Variants in DMGDH observed in about 807,000 individuals in gnomAD.
DMGDH encodes the protein dimethylglycine dehydrogenase.
A neutral mutation model predicts 95.2 loss-of-function variants in DMGDH; 76 were observed. The ratio of observed to expected loss-of-function variants is 0.80; its 90% CI spans 0.66 to 0.97. The LOEUF is 0.97. DMGDH is among the 50% of genes least tolerant of loss of function. The pLI, the probability that DMGDH is intolerant of heterozygous loss-of-function variation, is 0.00. For synonymous variants in DMGDH, 345 were observed against 377.6 expected, an observed-to-expected ratio of 0.91 and a Z score of 1.00; for missense variants, 987 against 1,055.0, an observed-to-expected ratio of 0.94 and a Z score of 0.89.
In DMGDH at chr5:79,044,284, C is replaced by A. The variant is rs768635440; in HGVS notation, c.994+20G>T. ...ACCATTCATGTCTGACTAGCACACA[C>A]TTTCATTTGCTGAACCCACCTGGAG... On this transcript the variant is annotated intron_variant, in intron 6 of 15. Coordinates refer to ENST00000255189, the MANE Select transcript of DMGDH (RefSeq NM_013391.3). 16 of 1,614,080 alleles carry A rather than the reference C, an allele frequency of 9.9e-6. 1 individual carries two copies. The South Asian group carries it at 1.5e-4, about 16-fold the overall frequency.
intron 1 of DMGDH, among the ~76,000 whole-genome samples, chr5:79,064,807 T>C (rs1755323897): frequency 6.6e-6 from 1 of 152,206 alleles, no homozygotes; most frequent in African/African-American, 2.4e-5. Flanking sequence ...TAGAGTACAG[T>C]GGCTTGATCT....
chr5:79,018,403 C>A (rs77092673), intron 14 of DMGDH, among the ~76,000 whole-genome samples: 3,214 of 151,672 alleles, frequency 0.021, 101 homozygotes, highest in African/African-American at 0.071. Context: ...AATTAACACA[C>A]AAAAAAAGTA....
At position 79,069,556 on chromosome 5, in the gene DMGDH, G is replaced by C; in HGVS notation, c.65C>G (p.Ser22Cys). 1 of 1,328,278 alleles carries C rather than the reference G, an allele frequency of 7.5e-7. No homozygotes were observed. Among genetic ancestry groups the C allele is most frequent in the Non-Finnish European group, 9.6e-7 (1 of 1,040,730 alleles). 82.3% of individuals were successfully genotyped at this position (1,328,278 alleles called of 1,614,324 possible). Residue 22 changes from serine (S) to cysteine (C), a missense_variant, in exon 1 of 16, where the codon TCC becomes TGC. Coordinates refer to ENST00000255189, the MANE Select transcript of DMGDH (RefSeq NM_013391.3). ...LLLRSCPLQG[S>C]PGRPRSVCGR... is the part of the protein sequence containing the mutation. ...GCAGACAGAGCGCGGGCGCCCGGGG[G>C]AGCCCTGCAGCGGGCAGCTCCGCAG... is the stretch of plus-strand genomic sequence containing the variant.
At position 78,997,776 on chromosome 5, in the gene DMGDH, A is replaced by C. The variant is rs1753385575; in HGVS notation, c.*306T>G. 1 of 308,544 alleles carries C rather than the reference A, an allele frequency of 3.2e-6. No individual in the cohort carries two copies. Among genetic ancestry groups the C allele is most frequent in the East Asian group, 7.2e-5 (1 of 13,842 alleles). 19.1% of individuals were successfully genotyped at this position (308,544 alleles called of 1,614,324 possible). On this transcript the variant is annotated 3_prime_UTR_variant, in exon 16 of 16. Transcript: ENST00000255189. The stretch of plus-strand genomic sequence containing the variant: ...TAAAATTATAAAATGTCCCTTAATT[A>C]GGTTATAGTAATGATTGTGTATATT...
intron 14 of DMGDH, chr5:79,020,908 C>T: frequency 4.1e-6 from 4 of 985,312 alleles, no homozygotes; most frequent in Non-Finnish European, 4.8e-6. Context: ...TCAATATTTC[C>T]ACCATGAAAA....
intron 5 of DMGDH, among the ~76,000 whole-genome samples, chr5:79,045,851 C>T (rs1754656828): frequency 6.6e-6 from 1 of 152,194 alleles, no homozygotes; most frequent in Non-Finnish European, 1.5e-5. Context: ...GACAGAGAAT[C>T]ATCAATTATG....
chr5:79,024,143 C>A, intron 14 of DMGDH, 128 bp downstream of exon 14: 1 of 808,482 alleles, frequency 1.2e-6, no homozygotes, highest in Admixed American at 2.0e-5. Flanking sequence ...TTGAGCAATG[C>A]TAGTATTTAT....
At chr5:79,060,121 T>C (rs1305939832) in intron 2 of DMGDH, among the ~76,000 whole-genome samples, 1 of 152,166 alleles carries the variant, frequency 6.6e-6, no homozygotes, top group Non-Finnish European at 1.5e-5. Flanking sequence ...AATGTGAGGG[T>C]TATTTATAAA....
At chr5:79,005,142 C>T in intron 15 of DMGDH, 131 bp downstream of exon 15, 1 of 1,252,352 alleles carries the variant, frequency 8.0e-7, no homozygotes, top group Non-Finnish European at 1.1e-6. Context: ...AATGTCAGCT[C>T]AGAAATCAAA....
intron 14 of DMGDH, among the ~76,000 whole-genome samples, chr5:79,018,402 A>AC (rs1193082501): frequency 6.6e-6 from 1 of 152,138 alleles, no homozygotes; most frequent in Non-Finnish European, 1.5e-5. Flanking sequence ...GAATTAACAC[A>AC]CAAAAAAAGT....
chr5:79,000,490 C>T (rs775468154), intron 15 of DMGDH: 14 of 605,562 alleles, frequency 2.3e-5, no homozygotes, highest in East Asian at 1.2e-4. Context: ...AGTACTTATT[C>T]GGTCTGTAAC....
Position 79,044,481 on chromosome 5 carries a change from C to T in DMGDH, c.817G>A (p.Val273Ile). 1.2e-6 allele frequency: 2 copies of T among 1,614,134 alleles called. No individual in the cohort carries two copies. The highest frequency in any genetic ancestry group is 1.7e-6 in the Non-Finnish European group (2 of 1,180,020). Residue 273 changes from valine (V) to isoleucine (I), a missense_variant, in exon 6 of 16, where the codon GTT (valine) becomes ATT (isoleucine). Coordinates refer to ENST00000255189, the MANE Select transcript of DMGDH (RefSeq NM_013391.3). ...ACTTCAGATATAGTCGATGTAACAACATATTGATGTTGAACCGGAATGAGA... is the reference window on the plus strand; with the variant it reads ...ACTTCAGATATAGTCGATGTAACAATATATTGATGTTGAACCGGAATGAGA... ...HPLIPVQHQY[V>I]VTSTISEVKA...
At chr5:79,049,569 G>A (rs1175104911) in intron 5 of DMGDH, among the ~76,000 whole-genome samples, 1 of 152,146 alleles carries the variant, frequency 6.6e-6, no homozygotes, top group Non-Finnish European at 1.5e-5. Flanking sequence ...TGTTTTTAGG[G>A]CCTGAATTCA....
chr5:79,038,081 T>C (rs974391912), intron 7 of DMGDH, among the ~76,000 whole-genome samples: 11 of 152,300 alleles, frequency 7.2e-5, no homozygotes, highest in African/African-American at 2.6e-4. Context: ...AGTCCTAAAA[T>C]TTATGGGACT....
At chr5:79,027,842 T>TTTC (rs201590065) in intron 12 of DMGDH, among the ~76,000 whole-genome samples, 13,926 of 128,720 alleles carry the variant, frequency 0.11, 742 homozygotes, top group Middle Eastern at 0.14. Context: ...CCACTTTTCT[T>TTTC]TTTTTTTTTT....
chr5:79,001,200 T>G (rs1753447578), intron 15 of DMGDH: 2 of 385,636 alleles, frequency 5.2e-6, no homozygotes, highest in Non-Finnish European at 9.3e-6. Flanking sequence ...TCTTGCTCTG[T>G]TGCCCCAGCT....
intron 15 of DMGDH, among the ~76,000 whole-genome samples, chr5:79,002,026 T>G (rs1488224767): frequency 6.6e-6 from 1 of 152,230 alleles, no homozygotes; most frequent in Non-Finnish European, 1.5e-5. Flanking sequence ...CATTCTTTGT[T>G]AAAACAAACA....
Position 79,032,765 on chromosome 5 carries a change from G to C in DMGDH, c.1439C>G (p.Ser480Cys), listed in dbSNP as rs1166365473. 6.2e-7 allele frequency: 1 copy of C among 1,614,182 alleles called. No homozygotes were observed. Among genetic ancestry groups the C allele is most frequent in the East Asian group, 2.2e-5 (1 of 44,882 alleles). ...RVSGLYQRLE[S>C]KCSMGFHAGW... is the part of the protein sequence containing the mutation. The stretch of plus-strand genomic sequence containing the variant: ...AGCATGGAACCCCATGGAACACTTA[G>C]ACTCCAGCCTTTGATAGAGCCCACT... Residue 480 changes from serine (S) to cysteine (C), a missense_variant, in exon 9 of 16, where the codon TCT becomes TGT. Ser to Cys is a moderately radical substitution (Grantham distance 112, BLOSUM62 -1). Transcript: ENST00000255189.
At chr5:79,020,735 G>A in intron 14 of DMGDH, 1 of 984,026 alleles carries the variant, frequency 1.0e-6, no homozygotes, top group Non-Finnish European at 1.2e-6. Context: ...GGAGAGAGGG[G>A]AAGGAGAGAG....
Sources: gnomAD v4.1 joint callset for allele counts (sites outside exome capture counted in the v4.1 genomes callset) on GRCh38, gnomAD v4.1.1 for gene constraint, MANE v1.5 for transcripts, NCBI Gene and HGNC (gene_info 2026-07-23, HGNC 2026-07-21) for gene names.